Variants in UIMC1 observed in about 807,000 individuals in gnomAD.
The protein encoded by UIMC1 is BRCA1-A complex subunit RAP80.
UIMC1 carries 42 observed loss-of-function variants against 84.9 expected under a neutral mutation model. That is an observed-to-expected ratio of 0.49 (90% CI 0.39 to 0.64). The LOEUF is 0.64. UIMC1 is among the 30% of genes least tolerant of loss of function. UIMC1 has a pLI of 0.00. For synonymous variants in UIMC1, 281 were observed against 293.0 expected, an observed-to-expected ratio of 0.96 and a Z score of 0.42; for missense variants, 825 against 847.6, an observed-to-expected ratio of 0.97 and a Z score of 0.33.
intron 6 of UIMC1, among the ~76,000 whole-genome samples, chr5:176,961,947 T>G (rs1446353371): frequency 3.8e-3 from 65 of 17,190 alleles, no homozygotes; most frequent in South Asian, 0.014. Flanking sequence ...GAGGTGGGGG[T>G]GTCGGCCCCC....
chr5:177,012,950 A>G (rs1443841300), intron 1 of UIMC1, among the ~76,000 whole-genome samples: 1 of 151,894 alleles, frequency 6.6e-6, no homozygotes, highest in Non-Finnish European at 1.5e-5. Flanking sequence ...GCTTGGTAGT[A>G]TGTGCCTATA....
intron 10 of UIMC1, among the ~76,000 whole-genome samples, chr5:176,923,333 G>A (rs921218504): frequency 6.6e-6 from 1 of 152,128 alleles, no homozygotes; most frequent in African/African-American, 2.4e-5. Flanking sequence ...CAAACAGTAG[G>A]AATAAGACTG....
chr5:176,975,453 T>C lies in UIMC1; in HGVS notation c.175A>G (p.Lys59Glu). The C allele has an allele frequency of 6.2e-7, 1 of 1,614,090 alleles. No individual in the cohort carries two copies. The highest frequency in any genetic ancestry group is 8.5e-7 in the Non-Finnish European group (1 of 1,179,994). Residue 59 changes from lysine (K) to glutamate (E), a missense_variant, in exon 3 of 15, where the codon AAA becomes GAA. Physicochemically the swap from Lys to Glu is moderately conservative, Grantham distance 56 (BLOSUM62 1). Coordinates refer to ENST00000511320, the MANE Select transcript of UIMC1 (RefSeq NM_001199298.2). ...CTATTCGACTGTTTTGTCTTCGTTT[T>C]CTGCAACCCATTTTCCTCCTTTGGT... is the stretch of plus-strand genomic sequence containing the variant. ...EEPKEENGLQKTKTKQSNRAK... is the reference protein window; with the variant it reads ...EEPKEENGLQETKTKQSNRAK...
rs535503481 is a variant in UIMC1, at chr5:176,942,439, G to A, written c.1597+896C>T. Among the ~76,000 whole-genome samples, 133 of 152,120 alleles carry A rather than the reference G, an allele frequency of 8.7e-4. 1 individual carries two copies. Among genetic ancestry groups the A allele is most frequent in the African/African-American group, 2.9e-3 (122 of 41,512 alleles). On this transcript the variant is annotated intron_variant, in intron 10 of 14. Transcript: ENST00000511320. The stretch of plus-strand genomic sequence containing the variant: ...CCTATGTAAAAGAATAAGTTAATAC[G>A]TTAAAAGATGGGCCAGGTGCAGGCT...
Position 177,005,431 on chromosome 5 carries a change from G to A in UIMC1, c.-9+1219C>T, listed in dbSNP as rs548994251. On this transcript the variant is annotated intron_variant, in intron 1 of 14. Coordinates refer to ENST00000511320, the MANE Select transcript of UIMC1 (RefSeq NM_001199298.2). ...CTTATTTCCGTAATTTTTGTAAAAA[G>A]GTAAATGCATACCTACACACGCATA... Among the ~76,000 whole-genome samples the A allele has an allele frequency of 9.2e-5, 14 of 151,956 alleles. 1 individual carries two copies. In the East Asian group the frequency reaches 2.3e-3, roughly 25 times the overall value.
At chr5:176,955,913 G>T in intron 8 of UIMC1, 46 bp downstream of exon 8, 2 of 1,580,912 alleles carry the variant, frequency 1.3e-6, no homozygotes, top group Non-Finnish European at 1.7e-6. Flanking sequence ...GCATGAAAAG[G>T]TAAATAGGTA....
chr5:177,007,966 G>A (rs1775438364), upstream of UIMC1, among the ~76,000 whole-genome samples: 1 of 152,072 alleles, frequency 6.6e-6, no homozygotes, highest in Non-Finnish European at 1.5e-5. Context: ...TTAGCTTGGC[G>A]TGGTGGTACA....
chr5:176,994,171 A>G (rs974704815), intron 1 of UIMC1, among the ~76,000 whole-genome samples: 1 of 152,034 alleles, frequency 6.6e-6, no homozygotes, highest in African/African-American at 2.4e-5. Flanking sequence ...CAAAAATTAC[A>G]CTCCAGCCTG....
intron 1 of UIMC1, among the ~76,000 whole-genome samples, chr5:177,020,706 A>C (rs940965050): frequency 6.6e-6 from 1 of 152,202 alleles, no homozygotes; most frequent in South Asian, 2.1e-4. Flanking sequence ...GCTGGATTAC[A>C]GGCATGAGCC....
intron 9 of UIMC1, among the ~76,000 whole-genome samples, chr5:176,949,492 C>T (rs2454952): frequency 0.43 from 64,636 of 152,052 alleles, 13,975 homozygotes; most frequent in East Asian, 0.48. Context: ...ATTCTATTCC[C>T]TCATTCCCAT....
intron 12 of UIMC1, among the ~76,000 whole-genome samples, chr5:176,907,682 TACATCC>T (rs1759570423): frequency 6.6e-6 from 1 of 152,182 alleles, no homozygotes; most frequent in African/African-American, 2.4e-5. Context: ...GCCCCAAAAG[TACATCC>T]ATCCTTCCCA....
At chr5:176,912,959 C>T (rs142641149) in intron 10 of UIMC1, among the ~76,000 whole-genome samples, 1,740 of 152,340 alleles carry the variant, frequency 0.011, 18 homozygotes, top group African/African-American at 0.033. Context: ...TGAGCCACTG[C>T]GCCCGGCCAA....
rs141798848 is a variant in UIMC1, at chr5:176,921,255, C to A, written c.1598-9866G>T. Among the ~76,000 whole-genome samples the A allele has an allele frequency of 9.1e-3, 1,384 of 152,302 alleles. 8 individuals carry two copies. Among genetic ancestry groups the A allele is most frequent in the South Asian group, 0.025 (120 of 4,816 alleles). ...ATTGCCCACACGGCTATCTAAGGCT[C>A]ACTTTTCCATTTGATCCTGAATCTG... On this transcript the variant is annotated intron_variant, in intron 10 of 14. Coordinates refer to ENST00000511320, the MANE Select transcript of UIMC1 (RefSeq NM_001199298.2).
At chr5:176,911,474 G>A (rs901307750) in intron 10 of UIMC1, 85 bp from the exon 11 acceptor site, 7 of 992,110 alleles carry the variant, frequency 7.1e-6, no homozygotes, top group Non-Finnish European at 9.5e-6. Context: ...ACAGGAAGAA[G>A]CAAAGTTTAA....
chr5:177,007,272 G>A (rs765358464), upstream of UIMC1, among the ~76,000 whole-genome samples: 1 of 149,858 alleles, frequency 6.7e-6, no homozygotes, highest in African/African-American at 2.5e-5. Flanking sequence ...TCCGGGAGGC[G>A]GAGGATGCAG....
At position 176,923,906 on chromosome 5, in the gene UIMC1, C is replaced by G. The variant is rs999558846; in HGVS notation, c.1598-12517G>C. ...ATATATATACACACACACAGACACA[C>G]ACACACACACACACACACACAGACA... On this transcript the variant is annotated intron_variant, in intron 10 of 14. Coordinates refer to ENST00000511320, the MANE Select transcript of UIMC1 (RefSeq NM_001199298.2). Among the ~76,000 whole-genome samples, 67 of 125,064 alleles carry G rather than the reference C, an allele frequency of 5.4e-4. No individual in the cohort carries two copies. In the East Asian group the frequency reaches 6.8e-3, roughly 13 times the overall value. 82.0% of individuals were successfully genotyped at this position (125,064 alleles called of 152,430 possible).
At chr5:176,984,258 C>T (rs1377486444) in intron 1 of UIMC1, among the ~76,000 whole-genome samples, 6 of 121,482 alleles carry the variant, frequency 4.9e-5, no homozygotes, top group Non-Finnish European at 7.4e-5. Context: ...TCTGCCCGGC[C>T]GGCCCATCTG....
At chr5:176,997,353 T>C (rs7716607) in intron 1 of UIMC1, among the ~76,000 whole-genome samples, 14,879 of 152,018 alleles carry the variant, frequency 0.098, 1,541 homozygotes, top group African/African-American at 0.26. Context: ...ACCAAAGCTG[T>C]TTTCTTTTCA....
chr5:176,987,643 C>G (rs1006588305), intron 1 of UIMC1, among the ~76,000 whole-genome samples: 27 of 151,772 alleles, frequency 1.8e-4, no homozygotes, highest in Admixed American at 1.7e-3. Flanking sequence ...AGAGTGGGAC[C>G]CTGTCTCAAA....
Sources: allele counts gnomAD v4.1 joint callset (sites outside exome capture counted in the v4.1 genomes callset), GRCh38; gene constraint gnomAD v4.1.1; transcripts MANE v1.5; gene names NCBI Gene and HGNC (gene_info 2026-07-23, HGNC 2026-07-21).